Variants in TENM4 observed in about 807,000 individuals in gnomAD.
TENM4 encodes the protein teneurin-4.
A neutral mutation model predicts 243.3 loss-of-function variants in TENM4; 82 were observed. That is an observed-to-expected ratio of 0.34 (90% confidence interval 0.28 to 0.40). The LOEUF is 0.40. Ranked by LOEUF, TENM4 falls within the 10% of genes least tolerant of loss-of-function variation. TENM4 has a pLI of 1.00. For synonymous variants in TENM4, 1,412 were observed against 1,456.3 expected (o/e 0.97, Z 0.69); for missense variants, 3,138 against 3,673.3 (o/e 0.85, Z 3.77).
chr11:78,860,812 A>C (rs1858801694), intron 10 of TENM4, among the ~76,000 whole-genome samples: 1 of 152,244 alleles, frequency 6.6e-6, no homozygotes, highest in Admixed American at 6.5e-5. Flanking sequence ...TTCCATTTGC[A>C]TCAGTAATGA....
chr11:79,137,343 A>G (rs921022509), intron 4 of TENM4, among the ~76,000 whole-genome samples: 3 of 152,178 alleles, frequency 2.0e-5, no homozygotes, highest in Admixed American at 6.6e-5. Flanking sequence ...AAGGAAGAGT[A>G]TGCATGGAAT....
At position 78,807,543 on chromosome 11, in the gene TENM4, C is replaced by T. The variant is rs147940603; in HGVS notation, c.1979-2051G>A. Among the ~76,000 whole-genome samples, 638 of 152,312 alleles carry T rather than the reference C, an allele frequency of 4.2e-3. 4 individuals carry two copies. The highest frequency in any genetic ancestry group is 0.015 in the African/African-American group (610 of 41,558). The stretch of plus-strand genomic sequence containing the variant: ...GCTCCAGTTCATATGGAAAGTGCAA[C>T]AGGTGGCAGAGAGAAGACAGGATTG... On this transcript the variant is annotated intron_variant, in intron 14 of 33. Coordinates refer to ENST00000278550, the MANE Select transcript of TENM4 (RefSeq NM_001098816.3).
chr11:78,873,830 T>G (rs1407662336), intron 9 of TENM4, among the ~76,000 whole-genome samples: 4 of 152,158 alleles, frequency 2.6e-5, no homozygotes, highest in African/African-American at 9.7e-5. Context: ...AGTCTCACTT[T>G]GTGTGGATTT....
At chr11:79,148,870 AGAG>A (rs1375938579) in intron 3 of TENM4, 64 bp from the exon 4 acceptor site, 1 of 567,998 alleles carries the variant, frequency 1.8e-6, no homozygotes, top group Non-Finnish European at 2.2e-6. Flanking sequence ...GATAAGCAGT[AGAG>A]AAGATTCTGG....
At chr11:79,272,572 A>C (rs1174614845) in intron 2 of TENM4, among the ~76,000 whole-genome samples, 4 of 152,126 alleles carry the variant, frequency 2.6e-5, no homozygotes, top group Non-Finnish European at 5.9e-5. Flanking sequence ...CCAAGTCCTC[A>C]ATAGTCACAT....
intron 3 of TENM4, among the ~76,000 whole-genome samples, chr11:79,192,100 G>GTT (rs1565243142): frequency 4.7e-5 from 7 of 149,830 alleles, no homozygotes; most frequent in Non-Finnish European, 1.5e-5. Flanking sequence ...GTGGGGGGGG[G>GTT]TCAGCCCCCC....
At chr11:78,985,655 C>T (rs185506789) in intron 6 of TENM4, among the ~76,000 whole-genome samples, 10 of 152,268 alleles carry the variant, frequency 6.6e-5, no homozygotes, top group Admixed American at 3.9e-4. Context: ...GCTTTCTGTA[C>T]GTTAAAGAAG....
intron 9 of TENM4, among the ~76,000 whole-genome samples, chr11:78,869,666 G>A (rs1429984461): frequency 6.6e-6 from 1 of 152,124 alleles, no homozygotes; most frequent in Non-Finnish European, 1.5e-5. Flanking sequence ...AGGCTCCTCA[G>A]CTGGCCCAAA....
chr11:79,264,471 A>G (rs996267901), intron 2 of TENM4, among the ~76,000 whole-genome samples: 2 of 152,206 alleles, frequency 1.3e-5, no homozygotes, highest in Non-Finnish European at 2.9e-5. Flanking sequence ...AAGAGGCAAC[A>G]CAGCAGTAAC....
At chr11:78,882,459 G>A (rs1855451945) in intron 9 of TENM4, among the ~76,000 whole-genome samples, 1 of 152,314 alleles carries the variant, frequency 6.6e-6, no homozygotes, top group East Asian at 1.9e-4. Flanking sequence ...ATTTAGCACA[G>A]GTACCTTGTG....
At chr11:78,919,093 T>C (rs1007290075) in intron 6 of TENM4, among the ~76,000 whole-genome samples, 20 of 152,218 alleles carry the variant, frequency 1.3e-4, no homozygotes, top group Admixed American at 1.3e-3. Context: ...ACCTACTTAT[T>C]GTAAATCTAA....
At chr11:79,113,297 C>T (rs373263764) in intron 4 of TENM4, among the ~76,000 whole-genome samples, 107 of 151,636 alleles carry the variant, frequency 7.1e-4, no homozygotes, top group African/African-American at 2.0e-3. Context: ...CCAAGACCCA[C>T]GGAGGGAAAG....
chr11:79,036,638 A>G (rs1859386893), intron 6 of TENM4, among the ~76,000 whole-genome samples: 1 of 152,212 alleles, frequency 6.6e-6, no homozygotes, highest in Non-Finnish European at 1.5e-5. Flanking sequence ...AAGTTTAGCC[A>G]AAGTGGTCAA....
intron 9 of TENM4, among the ~76,000 whole-genome samples, chr11:78,871,104 G>A (rs1859115451): frequency 6.6e-6 from 1 of 152,156 alleles, no homozygotes; most frequent in African/African-American, 2.4e-5. Flanking sequence ...TCAAGAAAAT[G>A]GCTGTGAAGA....
chr11:78,657,784 A>G lies in TENM4; in HGVS notation c.*274T>C, dbSNP rs905348830. On this transcript the variant is annotated 3_prime_UTR_variant, in exon 34 of 34. Transcript: ENST00000278550. Reference sequence around the variant, plus strand: ...ATACATACCCCAAACGACAAGGGAAAAATCCTCAAGGAAAAAGGGAACAAA... The same window carrying G: ...ATACATACCCCAAACGACAAGGGAAGAATCCTCAAGGAAAAAGGGAACAAA... 1 of 545,060 alleles carries G rather than the reference A, an allele frequency of 1.8e-6. No individual in the cohort carries two copies. The highest frequency in any genetic ancestry group is 3.4e-5 in the East Asian group (1 of 29,416). 33.8% of individuals were successfully genotyped at this position (545,060 alleles called of 1,614,324 possible). A position where few individuals can be genotyped will look rare whatever the true frequency, so the allele number is the denominator to read the frequency against.
At chr11:78,955,239 A>G (rs1857183877) in intron 6 of TENM4, among the ~76,000 whole-genome samples, 1 of 152,194 alleles carries the variant, frequency 6.6e-6, no homozygotes, top group African/African-American at 2.4e-5. Context: ...CATTTCTCCA[A>G]TCTCACAGGA....
chr11:78,981,193 C>T (rs546253234), intron 6 of TENM4, among the ~76,000 whole-genome samples: 33 of 152,234 alleles, frequency 2.2e-4, no homozygotes, highest in Admixed American at 5.2e-4. Context: ...AAGCACACCA[C>T]AAGCAGGATG....
intron 1 of TENM4, among the ~76,000 whole-genome samples, chr11:79,357,946 C>A (rs1406280783): frequency 6.6e-6 from 1 of 152,142 alleles, no homozygotes; most frequent in Non-Finnish European, 1.5e-5. Flanking sequence ...AAGTGTATCA[C>A]TATGCATTAG....
intron 15 of TENM4, among the ~76,000 whole-genome samples, chr11:78,788,040 C>T (rs747607228): frequency 6.6e-6 from 1 of 152,242 alleles, no homozygotes; most frequent in Non-Finnish European, 1.5e-5. Flanking sequence ...TCTCATGCCT[C>T]GTGGCCCCAC....
Sources: allele counts gnomAD v4.1 joint callset (sites outside exome capture counted in the v4.1 genomes callset), GRCh38; gene constraint gnomAD v4.1.1; transcripts MANE v1.5; gene names NCBI Gene and HGNC (gene_info 2026-07-23, HGNC 2026-07-21).